The following RAB28 variants were observed in gnomAD, a reference collection of about 807,000 sequenced individuals.
The protein encoded by RAB28 is ras-related protein Rab-28.
Under a neutral mutation model 31.7 loss-of-function variants are expected in RAB28, and 24 were observed. That is an observed-to-expected ratio of 0.76 (90% CI 0.55 to 1.06). RAB28 has a LOEUF of 1.06. Ranked by LOEUF, RAB28 falls within the 50% of genes least tolerant of loss-of-function variation. The probability of loss-of-function intolerance (pLI) is 0.00; values close to 1 mark genes in which losing one functional copy is unlikely to be tolerated. For missense variants in RAB28, 254 were observed against 258.5 expected (o/e 0.98, Z 0.12); for synonymous variants, 100 against 90.4 (o/e 1.11, Z -0.60).
chr4:13,406,591 T>C (rs1396293102), intron 4 of RAB28, among the ~76,000 whole-genome samples: 1 of 152,208 alleles, frequency 6.6e-6, no homozygotes, highest in Admixed American at 6.5e-5. Flanking sequence ...TCTTCCACAA[T>C]GGTTGAACTA....
chr4:13,425,744 G>C (rs1560288286), intron 4 of RAB28, among the ~76,000 whole-genome samples: 1 of 152,092 alleles, frequency 6.6e-6, no homozygotes, highest in African/African-American at 2.4e-5. Flanking sequence ...TAGTTGTACT[G>C]TTGCTTTAGT....
At chr4:13,405,825 T>C (rs1712047127) in intron 4 of RAB28, among the ~76,000 whole-genome samples, 1 of 152,182 alleles carries the variant, frequency 6.6e-6, no homozygotes, top group Non-Finnish European at 1.5e-5. Flanking sequence ...TCTCTCACTT[T>C]CTTGGTTTAC....
intron 4 of RAB28, among the ~76,000 whole-genome samples, chr4:13,383,569 C>T (rs1188659851): frequency 2.0e-5 from 3 of 152,228 alleles, no homozygotes; most frequent in Middle Eastern, 3.4e-3. Flanking sequence ...GCTGTGTCCC[C>T]ACCCAAATCT....
chr4:13,396,753 A>T (rs931525578), intron 4 of RAB28, among the ~76,000 whole-genome samples: 1 of 152,020 alleles, frequency 6.6e-6, no homozygotes, highest in Non-Finnish European at 1.5e-5. Flanking sequence ...CACTTTCAAA[A>T]CTGGGTTTTA....
At chr4:13,431,891 G>A (rs1308004664) in intron 4 of RAB28, among the ~76,000 whole-genome samples, 1 of 152,098 alleles carries the variant, frequency 6.6e-6, no homozygotes, top group Non-Finnish European at 1.5e-5. Flanking sequence ...AAAAGGCAGA[G>A]TGTTTTGACA....
rs1275247818 is a variant in RAB28 at position 13,461,578 on chromosome 4, C to T, written c.262-750G>A. The stretch of plus-strand genomic sequence containing the variant: ...TTAAAATAAGCAATGTAAAACTGGA[C>T]GTAATACTGTACTAAGAGTCTCAGC... On this transcript the variant is annotated intron_variant, in intron 3 of 6. Coordinates refer to ENST00000330852, the MANE Select transcript of RAB28 (RefSeq NM_001017979.3). Among the ~76,000 whole-genome samples the T allele has an allele frequency of 4.6e-5, 7 of 152,104 alleles. No homozygotes were observed. In the South Asian group the frequency reaches 8.3e-4, roughly 18 times the overall value.
intron 4 of RAB28, among the ~76,000 whole-genome samples, chr4:13,447,945 C>T (rs974986703): frequency 1.3e-5 from 2 of 152,090 alleles, no homozygotes; most frequent in African/African-American, 2.4e-5. Flanking sequence ...TAAAACTAAA[C>T]ATAGTTTGGG....
At chr4:13,453,885 T>C (rs1313654141) in intron 4 of RAB28, among the ~76,000 whole-genome samples, 1 of 152,178 alleles carries the variant, frequency 6.6e-6, no homozygotes, top group Non-Finnish European at 1.5e-5. Flanking sequence ...AATTAAGAAG[T>C]TTTTGGCTAT....
chr4:13,435,017 C>CAAAAAAAAAAAAAAAA (rs991889676), intron 4 of RAB28, among the ~76,000 whole-genome samples: 1 of 47,048 alleles, frequency 2.1e-5, no homozygotes, highest in Non-Finnish European at 4.6e-5. Context: ...GACTCCGTCT[C>CAAAAAAAAAAAAAAAA]AAAAAAAAAA....
chr4:13,456,064 T>C (rs1219373667), intron 4 of RAB28, among the ~76,000 whole-genome samples: 2 of 152,226 alleles, frequency 1.3e-5, no homozygotes, highest in Middle Eastern at 3.2e-3. Flanking sequence ...AGATCTAGGT[T>C]GGCAGGTTCC....
At chr4:13,466,152 T>C (rs1715830552) in intron 3 of RAB28, among the ~76,000 whole-genome samples, 1 of 151,930 alleles carries the variant, frequency 6.6e-6, no homozygotes. Flanking sequence ...CTACAAAATA[T>C]TGGTCTGGGC....
intron 3 of RAB28, among the ~76,000 whole-genome samples, chr4:13,466,796 G>C (rs1715866979): frequency 6.6e-6 from 1 of 151,960 alleles, no homozygotes; most frequent in Non-Finnish European, 1.5e-5. Context: ...TCCATCAACA[G>C]ATGAATGGAT....
intron 5 of RAB28, among the ~76,000 whole-genome samples, chr4:13,381,003 C>T (rs898927665): frequency 2.6e-5 from 4 of 151,472 alleles, no homozygotes; most frequent in Admixed American, 6.6e-5. Context: ...GACTGTGAGC[C>T]CCAGAGTGTC....
At chr4:13,457,411 T>C (rs1284847299) in intron 4 of RAB28, among the ~76,000 whole-genome samples, 2 of 152,176 alleles carry the variant, frequency 1.3e-5, no homozygotes, top group Admixed American at 6.5e-5. Flanking sequence ...GGATCTTTCA[T>C]TACATGATCA....
At chr4:13,453,272 A>C (rs1080003) in intron 4 of RAB28, among the ~76,000 whole-genome samples, 32 of 152,194 alleles carry the variant, frequency 2.1e-4, no homozygotes, top group Admixed American at 1.4e-3. Context: ...TAAATTCAAA[A>C]TTATTATTGA....
At chr4:13,440,741 A>G (rs941216134) in intron 4 of RAB28, among the ~76,000 whole-genome samples, 1 of 152,166 alleles carries the variant, frequency 6.6e-6, no homozygotes, top group African/African-American at 2.4e-5. Context: ...TCAGAATGTG[A>G]GTCCATTTGG....
At chr4:13,481,325 C>T (rs796722179) in intron 1 of RAB28, among the ~76,000 whole-genome samples, 7 of 151,930 alleles carry the variant, frequency 4.6e-5, no homozygotes, top group Admixed American at 2.0e-4. Flanking sequence ...TATCATCTCC[C>T]GATGTCTTGA....
chr4:13,465,302 A>G (rs1301368923), intron 3 of RAB28, among the ~76,000 whole-genome samples: 1 of 151,818 alleles, frequency 6.6e-6, no homozygotes, highest in Non-Finnish European at 1.5e-5. Context: ...CTCAGAGAAC[A>G]CCAATTTGGA....
At chr4:13,421,629 C>T (rs1713151974) in intron 4 of RAB28, among the ~76,000 whole-genome samples, 1 of 152,122 alleles carries the variant, frequency 6.6e-6, no homozygotes, top group South Asian at 2.1e-4. Context: ...CTTCGACAAA[C>T]CTGTCAAAAA....
Sources: gnomAD v4.1 joint callset for allele counts (sites outside exome capture counted in the v4.1 genomes callset) on GRCh38, gnomAD v4.1.1 for gene constraint, MANE v1.5 for transcripts, NCBI Gene and HGNC (gene_info 2026-07-23, HGNC 2026-07-21) for gene names.